Variants in CTNNA2 observed in about 807,000 individuals in gnomAD.
CTNNA2 encodes the protein catenin alpha-2.
CTNNA2 carries 42 observed loss-of-function variants against 101.0 expected under a neutral mutation model. The ratio of observed to expected loss-of-function variants is 0.42; its 90% CI spans 0.32 to 0.54. The LOEUF (loss-of-function observed/expected upper bound fraction) is 0.54. CTNNA2 is among the 20% of genes least tolerant of loss of function. The probability of loss-of-function intolerance (pLI) is 0.14; values close to 1 mark genes in which losing one functional copy is unlikely to be tolerated. For synonymous variants in CTNNA2, 450 were observed against 456.4 expected (o/e 0.99, Z 0.18); for missense variants, 871 against 1,223.1 (o/e 0.71, Z 4.29).
rs139052286 is a variant in CTNNA2 at position 80,194,361 on chromosome 2, T to G, written c.1057-198850T>G. On this transcript the variant is annotated intron_variant, in intron 7 of 18. Transcript: ENST00000402739. ...GGTAAATGCAGGACATCACCATTTT[T>G]TAAATACAGAGAAATTAATGTGAGA... is the stretch of plus-strand genomic sequence containing the variant. Among the ~76,000 whole-genome samples, 433 of 152,316 alleles carry G rather than the reference T, an allele frequency of 2.8e-3. 4 individuals carry two copies. The highest frequency in any genetic ancestry group is 8.2e-3 in the Admixed American group (125 of 15,290).
chr2:79,308,714 C>T (rs1276661987), intron 2 of CTNNA2, among the ~76,000 whole-genome samples: 1 of 150,526 alleles, frequency 6.6e-6, no homozygotes, highest in African/African-American at 2.4e-5. Context: ...TTTCATTCTC[C>T]TGCATATGGA....
chr2:80,632,405 A>G (rs1017290768), intron 18 of CTNNA2, among the ~76,000 whole-genome samples: 1 of 152,150 alleles, frequency 6.6e-6, no homozygotes, highest in African/African-American at 2.4e-5. Flanking sequence ...ATGAGCTGAC[A>G]GCTCCTATTG....
At chr2:79,926,346 A>G (rs185784235) in intron 7 of CTNNA2, among the ~76,000 whole-genome samples, 1 of 152,304 alleles carries the variant, frequency 6.6e-6, no homozygotes, top group East Asian at 1.9e-4. Flanking sequence ...TTTAGTTTTT[A>G]GAAGAATATA....
intron 2 of CTNNA2, among the ~76,000 whole-genome samples, chr2:79,204,394 T>G (rs1674075992): frequency 6.6e-6 from 1 of 152,212 alleles, no homozygotes; most frequent in Non-Finnish European, 1.5e-5. Flanking sequence ...TCCCAGTGCT[T>G]AATTTTTTAT....
chr2:79,327,080 A>G (rs1275376629), intron 3 of CTNNA2, among the ~76,000 whole-genome samples: 2 of 152,200 alleles, frequency 1.3e-5, no homozygotes, highest in Non-Finnish European at 2.9e-5. Flanking sequence ...ATACCTCTCC[A>G]GGGAATTTCA....
chr2:79,958,414 T>G (rs1349757506), intron 7 of CTNNA2, among the ~76,000 whole-genome samples: 3 of 152,092 alleles, frequency 2.0e-5, no homozygotes, highest in African/African-American at 7.2e-5. Context: ...GAGTGGCCCC[T>G]AGGTAATCAC....
chr2:79,924,167 T>C (rs1686867191), intron 7 of CTNNA2, among the ~76,000 whole-genome samples: 1 of 152,124 alleles, frequency 6.6e-6, no homozygotes, highest in South Asian at 2.1e-4. Context: ...TTTTTGGCAA[T>C]GGGGATGAAC....
At chr2:80,337,107 G>T (rs1441480568) in intron 7 of CTNNA2, among the ~76,000 whole-genome samples, 1 of 152,144 alleles carries the variant, frequency 6.6e-6, no homozygotes, top group Non-Finnish European at 1.5e-5. Context: ...TGTAATCCCA[G>T]CACTTTGGGA....
intron 3 of CTNNA2, among the ~76,000 whole-genome samples, chr2:79,350,766 C>T (rs1001807071): frequency 3.3e-5 from 5 of 152,264 alleles, no homozygotes; most frequent in African/African-American, 1.2e-4. Context: ...AGTGTATAGT[C>T]ATTCCCTTTC....
intron 1 of CTNNA2, among the ~76,000 whole-genome samples, chr2:79,639,546 T>A (rs1680304813): frequency 6.6e-6 from 1 of 152,200 alleles, no homozygotes; most frequent in African/African-American, 2.4e-5. Context: ...TCTAATGCAT[T>A]CTGGACATAA....
chr2:80,437,565 A>G (rs530929443), intron 9 of CTNNA2, among the ~76,000 whole-genome samples: 2 of 152,300 alleles, frequency 1.3e-5, no homozygotes, highest in Non-Finnish European at 2.9e-5. Flanking sequence ...TATTGAGTCA[A>G]TGCTTATTTA....
intron 3 of CTNNA2, among the ~76,000 whole-genome samples, chr2:79,787,913 C>T (rs1033008094): frequency 1.3e-5 from 2 of 151,946 alleles, no homozygotes; most frequent in Non-Finnish European, 2.9e-5. Flanking sequence ...TATAAGGTAA[C>T]AAATTCTCAG....
At chr2:80,027,691 G>A (rs2104162277) in intron 7 of CTNNA2, among the ~76,000 whole-genome samples, 1 of 152,216 alleles carries the variant, frequency 6.6e-6, no homozygotes, top group East Asian at 1.9e-4. Flanking sequence ...GGAATGCCTG[G>A]TGCCGTGGCT....
chr2:80,444,804 AC>A (rs992100385), intron 9 of CTNNA2, among the ~76,000 whole-genome samples: 9 of 152,110 alleles, frequency 5.9e-5, no homozygotes, highest in African/African-American at 2.2e-4. Flanking sequence ...CCATGCTTGC[AC>A]CCTGGACCTC....
intron 7 of CTNNA2, among the ~76,000 whole-genome samples, chr2:80,213,122 T>G (rs552496993): frequency 6.6e-6 from 1 of 152,292 alleles, no homozygotes; most frequent in Non-Finnish European, 1.5e-5. Flanking sequence ...TTATTTGTCT[T>G]GCTAGCGGCC....
At chr2:80,043,098 T>C (rs1696241717) in intron 7 of CTNNA2, among the ~76,000 whole-genome samples, 2 of 24,578 alleles carry the variant, frequency 8.1e-5, no homozygotes, top group East Asian at 1.1e-3. Flanking sequence ...TTTCTTTCTC[T>C]CTCTCTCTCT....
At chr2:79,798,170 A>G (rs145697968) in intron 3 of CTNNA2, among the ~76,000 whole-genome samples, 2,178 of 152,298 alleles carry the variant, frequency 0.014, 14 homozygotes, top group Middle Eastern at 0.024. Flanking sequence ...TTTTAACTGG[A>G]TATTCCAAGA....
At chr2:79,438,290 ACTGT>A (rs1678738946) in intron 4 of CTNNA2, among the ~76,000 whole-genome samples, 1 of 152,076 alleles carries the variant, frequency 6.6e-6, no homozygotes, top group African/African-American at 2.4e-5. Flanking sequence ...CACACTATGA[ACTGT>A]CTCTGTCTTT....
chr2:80,111,812 GC>G (rs1701227874), intron 7 of CTNNA2, among the ~76,000 whole-genome samples: 1 of 152,210 alleles, frequency 6.6e-6, no homozygotes, highest in African/African-American at 2.4e-5. Flanking sequence ...ATAGGCATGA[GC>G]CACTGTGTTT....
Sources: allele counts gnomAD v4.1 joint callset (sites outside exome capture counted in the v4.1 genomes callset), GRCh38; gene constraint gnomAD v4.1.1; transcripts MANE v1.5; gene names NCBI Gene and HGNC (gene_info 2026-07-23, HGNC 2026-07-21).